The following NAV2 variants were observed in gnomAD, a reference collection of about 807,000 sequenced individuals.
NAV2 encodes neuron navigator 2.
Under a neutral mutation model 223.2 loss-of-function variants are expected in NAV2, and 54 were observed. The observed-to-expected ratio is 0.24, with a 90% CI of 0.19 to 0.30. The LOEUF is 0.30. Ranked by LOEUF, NAV2 falls within the 10% of genes least tolerant of loss-of-function variation. The pLI, the probability that NAV2 is intolerant of heterozygous loss-of-function variation, is 1.00. For synonymous variants in NAV2, 1,279 were observed against 1,239.3 expected, an observed-to-expected ratio of 1.03 and a Z score of -0.67; for missense variants, 2,806 against 3,147.5, an observed-to-expected ratio of 0.89 and a Z score of 2.60.
At chr11:20,054,722 T>C (rs2153610627) in intron 18 of NAV2, among the ~76,000 whole-genome samples, 1 of 152,322 alleles carries the variant, frequency 6.6e-6, no homozygotes, top group Admixed American at 6.5e-5. Context: ...TAAGTTTTGA[T>C]TGAATAGGTA....
At chr11:20,031,737 TG>T (rs1554907982) in intron 11 of NAV2, among the ~76,000 whole-genome samples, 2 of 59,100 alleles carry the variant, frequency 3.4e-5, no homozygotes, top group African/African-American at 2.0e-4. Flanking sequence ...TTTCGCTTTG[TG>T]TGTGTGTGTG....
chr11:19,723,497 C>T (rs1194178691), intron 1 of NAV2, among the ~76,000 whole-genome samples: 1 of 152,238 alleles, frequency 6.6e-6, no homozygotes. Flanking sequence ...ATATGAGCTA[C>T]TGCTTTAGAT....
intron 1 of NAV2, among the ~76,000 whole-genome samples, chr11:19,487,709 CA>C (rs2042490396): frequency 1.3e-5 from 2 of 152,178 alleles, no homozygotes; most frequent in Admixed American, 1.3e-4. Context: ...TGCCAACAAC[CA>C]TGCAAGTGAG....
chr11:19,668,280 G>A (rs1456416227), intron 1 of NAV2, among the ~76,000 whole-genome samples: 1 of 152,222 alleles, frequency 6.6e-6, no homozygotes, highest in East Asian at 1.9e-4. Flanking sequence ...GCTTACGCCT[G>A]TAATCTCAGC....
chr11:19,842,633 A>G (rs767513501), intron 2 of NAV2, among the ~76,000 whole-genome samples: 1 of 152,226 alleles, frequency 6.6e-6, no homozygotes, highest in South Asian at 2.1e-4. Flanking sequence ...CAAGACTGTC[A>G]TCGATGCAGT....
chr11:19,375,142 T>C (rs1848599355), intron 1 of NAV2, among the ~76,000 whole-genome samples: 1 of 152,246 alleles, frequency 6.6e-6, no homozygotes, highest in South Asian at 2.1e-4. Flanking sequence ...TTAAAATTAG[T>C]AAATACTCAT....
Position 19,508,782 on chromosome 11 carries a change from A to T in NAV2, c.75+157755A>T, listed in dbSNP as rs141781374. Reference sequence around the variant, plus strand: ...TATTGAATCCCCAAATGCCTGTAACAGTGGCTGACTCTGAATTTGTTAAAT... The same window carrying T: ...TATTGAATCCCCAAATGCCTGTAACTGTGGCTGACTCTGAATTTGTTAAAT... On this transcript the variant is annotated intron_variant, in intron 1 of 37. Coordinates refer to the NAV2 transcript ENST00000360655. Among the ~76,000 whole-genome samples the T allele has an allele frequency of 1.2e-4, 18 of 152,356 alleles. No individual in the cohort carries two copies. In the East Asian group the frequency reaches 3.3e-3, roughly 28 times the overall value.
intron 1 of NAV2, among the ~76,000 whole-genome samples, chr11:19,653,236 G>A (rs2048020915): frequency 6.6e-6 from 1 of 152,176 alleles, no homozygotes; most frequent in South Asian, 2.1e-4. Context: ...CATGATGGAT[G>A]GCGGTGAAAC....
intron 1 of NAV2, among the ~76,000 whole-genome samples, chr11:19,783,865 C>G (rs2056923255): frequency 6.6e-6 from 1 of 152,154 alleles, no homozygotes; most frequent in Non-Finnish European, 1.5e-5. Context: ...TGATAATGAT[C>G]ATGATGTTAC....
At chr11:19,568,994 A>G (rs1273991774) in intron 1 of NAV2, among the ~76,000 whole-genome samples, 1 of 152,248 alleles carries the variant, frequency 6.6e-6, no homozygotes, top group Non-Finnish European at 1.5e-5. Context: ...TGCTGAGCAC[A>G]GAATGCTTGG....
At chr11:19,514,941 A>G (rs920121123) in intron 1 of NAV2, among the ~76,000 whole-genome samples, 2 of 152,162 alleles carry the variant, frequency 1.3e-5, no homozygotes, top group Non-Finnish European at 2.9e-5. Context: ...AAATGGTGCA[A>G]GGTGACTGGG....
intron 26 of NAV2, among the ~76,000 whole-genome samples, chr11:20,088,327 G>A (rs1226144304): frequency 4.6e-5 from 7 of 152,178 alleles, no homozygotes; most frequent in East Asian, 1.9e-4. Context: ...ACAAGTGCCC[G>A]CCACCAAAGC....
intron 11 of NAV2, among the ~76,000 whole-genome samples, chr11:20,028,634 T>C (rs1052094881): frequency 7.2e-5 from 11 of 152,234 alleles, no homozygotes; most frequent in Admixed American, 2.0e-4. Context: ...GGAAGGCTGC[T>C]TGCAGTCATT....
At chr11:20,038,504 C>A (rs1415003633) in intron 12 of NAV2, among the ~76,000 whole-genome samples, 2 of 152,198 alleles carry the variant, frequency 1.3e-5, no homozygotes, top group African/African-American at 4.8e-5. Context: ...GTCCAGGGAG[C>A]ATCTCAAAAT....
chr11:19,987,438 A>C (rs2050895367), intron 11 of NAV2, among the ~76,000 whole-genome samples: 1 of 152,216 alleles, frequency 6.6e-6, no homozygotes, highest in Non-Finnish European at 1.5e-5. Context: ...GAGTGATTAG[A>C]CCTGATTAGA....
At chr11:19,584,799 C>G (rs575400927) in intron 1 of NAV2, among the ~76,000 whole-genome samples, 12 of 152,178 alleles carry the variant, frequency 7.9e-5, no homozygotes, top group African/African-American at 2.7e-4. Context: ...TTACTTCCAA[C>G]TATGTGGTCA....
intron 1 of NAV2, among the ~76,000 whole-genome samples, chr11:19,479,954 G>A (rs2042230088): frequency 6.6e-6 from 1 of 152,158 alleles, no homozygotes; most frequent in South Asian, 2.1e-4. Context: ...TCTGCAGATT[G>A]GCAAACTTGT....
chr11:20,056,670 C>T, intron 19 of NAV2: 1 of 1,353,318 alleles, frequency 7.4e-7, no homozygotes, highest in South Asian at 1.2e-5. Context: ...ATCATCCCCA[C>T]CCCATGAAGA....
intron 26 of NAV2, among the ~76,000 whole-genome samples, chr11:20,088,800 C>T (rs959989337): frequency 1.3e-5 from 2 of 152,128 alleles, no homozygotes; most frequent in African/African-American, 4.8e-5. Flanking sequence ...GCTGGACAGA[C>T]GAGCCTCACA....
Sources: gnomAD v4.1 joint callset for allele counts (sites outside exome capture counted in the v4.1 genomes callset) on GRCh38, gnomAD v4.1.1 for gene constraint, MANE v1.5 for transcripts, NCBI Gene and HGNC (gene_info 2026-07-23, HGNC 2026-07-21) for gene names.